SYNE3: variants seen among roughly 807,000 people sequenced by gnomAD.
SYNE3 encodes nesprin-3.
A neutral mutation model predicts 111.2 loss-of-function variants in SYNE3; 100 were observed. The observed-to-expected ratio is 0.90, with a 90% CI of 0.77 to 1.06. The LOEUF is 1.06. Among genes scored for constraint, SYNE3 ranks in the 50% least tolerant of loss-of-function variants. The pLI, the probability that SYNE3 is intolerant of heterozygous loss-of-function variation, is 0.00. For synonymous variants in SYNE3, 547 were observed against 533.9 expected, an observed-to-expected ratio of 1.02 and a Z score of -0.34; for missense variants, 1,160 against 1,240.3, an observed-to-expected ratio of 0.94 and a Z score of 0.97.
At chr14:95,468,103 C>G in intron 2 of SYNE3, 136 bp from the exon 3 acceptor site, 2 of 1,093,012 alleles carry the variant, frequency 1.8e-6, no homozygotes, top group Non-Finnish European at 2.5e-6. Flanking sequence ...AGCCCCTGCA[C>G]CCCTTCTTGT....
At chr14:95,432,563 C>T (rs1390629673) in intron 16 of SYNE3, among the ~76,000 whole-genome samples, 3 of 152,116 alleles carry the variant, frequency 2.0e-5, no homozygotes, top group African/African-American at 7.2e-5. Flanking sequence ...GGGCATATAA[C>T]AGCACCTCCT....
chr14:95,420,194 T>C (rs1266857813), intron 17 of SYNE3, among the ~76,000 whole-genome samples: 1 of 60,554 alleles, frequency 1.7e-5, no homozygotes, highest in Admixed American at 1.9e-4. Context: ...ACTTCGGGAG[T>C]GGAGGGTGGG....
In SYNE3 at chr14:95,455,368, C is replaced by A; in HGVS notation, c.1137+9G>T. The A allele has an allele frequency of 6.6e-7, 1 of 1,520,752 alleles. No individual in the cohort carries two copies. The highest frequency in any genetic ancestry group is 1.3e-5 in the South Asian group (1 of 76,222). 94.2% of individuals were successfully genotyped at this position (1,520,752 alleles called of 1,614,324 possible). ...CCCTGGGCTCCATGACTCGGCCAAGCACGCTTACCGAGTAGCGTCTCCAGT... is the reference window on the plus strand; with the variant it reads ...CCCTGGGCTCCATGACTCGGCCAAGAACGCTTACCGAGTAGCGTCTCCAGT... On this transcript the variant is annotated intron_variant, in intron 6 of 17. Coordinates refer to ENST00000682763, the MANE Select transcript of SYNE3 (RefSeq NM_152592.6).
intron 1 of SYNE3, among the ~76,000 whole-genome samples, chr14:95,499,833 T>C (rs1224819025): frequency 6.7e-6 from 1 of 148,816 alleles, no homozygotes; most frequent in African/African-American, 2.5e-5. Flanking sequence ...CCTAGAAGAA[T>C]CCCCTGTATC....
intron 14 of SYNE3, among the ~76,000 whole-genome samples, chr14:95,437,365 G>C (rs1327800072): frequency 6.6e-6 from 1 of 152,208 alleles, no homozygotes; most frequent in Non-Finnish European, 1.5e-5. Flanking sequence ...CTACTCCCCA[G>C]TGTGACCCGG....
At chr14:95,488,777 G>C (rs1566684884) in intron 1 of SYNE3, among the ~76,000 whole-genome samples, 2 of 146,366 alleles carry the variant, frequency 1.4e-5, no homozygotes, top group Non-Finnish European at 1.5e-5. Flanking sequence ...GTTTTCCAAA[G>C]TGGCTGCACC....
intron 4 of SYNE3, 84 bp from the exon 5 acceptor site, chr14:95,457,422 GTGT>G: frequency 9.7e-7 from 1 of 1,027,882 alleles, no homozygotes; most frequent in Non-Finnish European, 1.2e-6. Flanking sequence ...CTGCCTGGGT[GTGT>G]GTGTGTGTGT....
chr14:95,432,327 G>T (rs1885821733), intron 16 of SYNE3, among the ~76,000 whole-genome samples: 1 of 152,204 alleles, frequency 6.6e-6, no homozygotes, highest in Admixed American at 6.5e-5. Context: ...ATTCTGTCTG[G>T]AAAGGCCGTG....
At chr14:95,438,814 C>CGTACCA in intron 14 of SYNE3, 1 of 567,394 alleles carries the variant, frequency 1.8e-6, no homozygotes, top group Non-Finnish European at 3.1e-6. Context: ...CCCTGGTGGC[C>CGTACCA]TGGCTCTGCA....
chr14:95,419,571 G>T (rs1357920649), intron 17 of SYNE3, among the ~76,000 whole-genome samples: 1 of 152,016 alleles, frequency 6.6e-6, no homozygotes, highest in Admixed American at 6.5e-5. Flanking sequence ...AAGAACCAAG[G>T]TTCACCCTCC....
chr14:95,474,870 A>C (rs988723934), intron 2 of SYNE3, among the ~76,000 whole-genome samples: 8 of 152,310 alleles, frequency 5.3e-5, no homozygotes, highest in Admixed American at 3.9e-4. Context: ...CCACACTAAG[A>C]GCAACCATTG....
chr14:95,418,125 T>A, intron 17 of SYNE3, 99 bp from the exon 18 acceptor site: 1 of 1,230,456 alleles, frequency 8.1e-7, no homozygotes, highest in Non-Finnish European at 1.2e-6. Flanking sequence ...GTGGTAGCAC[T>A]GAACTGACTG....
At chr14:95,432,159 A>C (rs766331049) in intron 16 of SYNE3, 42 bp from the exon 17 acceptor site, 1 of 1,545,412 alleles carries the variant, frequency 6.5e-7, no homozygotes, top group East Asian at 2.3e-5. Context: ...GGAAAAAAAT[A>C]AGTTAAGTGA....
chr14:95,504,752 G>A (rs186856723), intron 1 of SYNE3, among the ~76,000 whole-genome samples: 1 of 152,266 alleles, frequency 6.6e-6, no homozygotes, highest in Non-Finnish European at 1.5e-5. Context: ...AGGCCAAGGA[G>A]GGAGGATCAC....
intron 8 of SYNE3, among the ~76,000 whole-genome samples, chr14:95,448,954 T>C (rs1886882917): frequency 6.6e-6 from 1 of 152,174 alleles, no homozygotes. Flanking sequence ...ACCTTTACAC[T>C]CTCCAAGTAG....
chr14:95,495,676 A>T (rs1333717719), intron 1 of SYNE3, among the ~76,000 whole-genome samples: 1 of 152,222 alleles, frequency 6.6e-6, no homozygotes, highest in African/African-American at 2.4e-5. Context: ...CCAGGCCTGC[A>T]TGGCTCCAGC....
chr14:95,450,868 A>G (rs191579080), intron 7 of SYNE3: 12 of 152,356 alleles, frequency 7.9e-5, no homozygotes, highest in African/African-American at 2.9e-4. Flanking sequence ...TAAGTGTTAG[A>G]TGAGATGACA....
At position 95,417,490 on chromosome 14, in the gene SYNE3, A is replaced by G. The variant is rs1370117878; in HGVS notation, c.*336T>C. 1 of 345,098 alleles carries G rather than the reference A, an allele frequency of 2.9e-6. No individual in the cohort carries two copies. The highest frequency in any genetic ancestry group is 5.5e-6 in the Non-Finnish European group (1 of 180,956). 21.4% of individuals were successfully genotyped at this position (345,098 alleles called of 1,614,324 possible). A position where few individuals can be genotyped will look rare whatever the true frequency, so the allele number is the denominator to read the frequency against. On this transcript the variant is annotated 3_prime_UTR_variant, in exon 18 of 18. Transcript: ENST00000682763. ...CTGCAGACCAAGTCAACAATACCAC[A>G]AAATCCCATTGGAGGGAGCCATTGC... is the stretch of plus-strand genomic sequence containing the variant.
chr14:95,481,275 C>T (rs922899892), intron 1 of SYNE3, among the ~76,000 whole-genome samples: 5 of 152,188 alleles, frequency 3.3e-5, no homozygotes, highest in Admixed American at 2.6e-4. Flanking sequence ...CTTCACCTAC[C>T]GTGGGGCATC....
Sources: gnomAD v4.1 joint callset for allele counts (sites outside exome capture counted in the v4.1 genomes callset) on GRCh38, gnomAD v4.1.1 for gene constraint, MANE v1.5 for transcripts, NCBI Gene and HGNC (gene_info 2026-07-23, HGNC 2026-07-21) for gene names.